SLC35F1: variants seen among roughly 807,000 people sequenced by gnomAD.
SLC35F1 encodes chromosome 6 open reading frame 169.
A neutral mutation model predicts 48.7 loss-of-function variants in SLC35F1; 14 were observed. The observed-to-expected ratio is 0.29, with a 90% CI of 0.19 to 0.45. SLC35F1 has a LOEUF of 0.45. SLC35F1 is among the 20% of genes least tolerant of loss of function. SLC35F1 has a pLI of 1.00. For synonymous variants in SLC35F1, 190 were observed against 202.2 expected (o/e 0.94, Z 0.51); for missense variants, 404 against 500.0 (o/e 0.81, Z 1.83).
chr6:118,090,142 C>CAT (rs1175721991), intron 1 of SLC35F1, among the ~76,000 whole-genome samples: 1 of 152,224 alleles, frequency 6.6e-6, no homozygotes, highest in Non-Finnish European at 1.5e-5. Flanking sequence ...CAACTGCTAG[C>CAT]ATATTTTAAC....
At chr6:118,231,776 G>C (rs1311443079) in intron 2 of SLC35F1, among the ~76,000 whole-genome samples, 2 of 152,166 alleles carry the variant, frequency 1.3e-5, no homozygotes, top group Admixed American at 1.3e-4. Context: ...CATTTTTTCA[G>C]TGCTATGTAT....
intron 1 of SLC35F1, among the ~76,000 whole-genome samples, chr6:118,038,733 TGCCTCA>T (rs1772169259): frequency 6.6e-6 from 1 of 152,092 alleles, no homozygotes. Context: ...GTGTGTCTTC[TGCCTCA>T]GCCTCCTGAG....
intron 1 of SLC35F1, among the ~76,000 whole-genome samples, chr6:117,935,155 C>T (rs1776148914): frequency 6.6e-6 from 1 of 152,134 alleles, no homozygotes; most frequent in African/African-American, 2.4e-5. Flanking sequence ...TCTGAAATAA[C>T]TTATGCACAA....
intron 1 of SLC35F1, among the ~76,000 whole-genome samples, chr6:118,147,211 G>T (rs1382053170): frequency 6.6e-6 from 1 of 152,164 alleles, no homozygotes; most frequent in African/African-American, 2.4e-5. Context: ...GTCTGCTAGA[G>T]TTTCCTACTG....
chr6:118,264,184 T>A (rs1365443898), intron 3 of SLC35F1, among the ~76,000 whole-genome samples: 2 of 152,248 alleles, frequency 1.3e-5, no homozygotes, highest in African/African-American at 2.4e-5. Context: ...CCAGCAATGC[T>A]AACTGCCCTG....
intron 1 of SLC35F1, among the ~76,000 whole-genome samples, chr6:118,053,194 T>G (rs1365461199): frequency 1.3e-5 from 2 of 152,072 alleles, no homozygotes; most frequent in Non-Finnish European, 2.9e-5. Context: ...AGAAATCCAG[T>G]TTATGAAAGT....
intron 1 of SLC35F1, among the ~76,000 whole-genome samples, chr6:118,138,254 G>A (rs1171300554): frequency 6.6e-6 from 1 of 150,952 alleles, no homozygotes; most frequent in African/African-American, 2.4e-5. Context: ...GCTGCAGTGA[G>A]CCATGATCAC....
intron 1 of SLC35F1, among the ~76,000 whole-genome samples, chr6:118,111,958 G>C (rs1372552758): frequency 1.3e-5 from 2 of 152,156 alleles, no homozygotes; most frequent in Non-Finnish European, 2.9e-5. Flanking sequence ...CTAGCCTCTA[G>C]ATGTTTATGG....
intron 1 of SLC35F1, among the ~76,000 whole-genome samples, chr6:117,989,388 G>T (rs1313036698): frequency 6.6e-6 from 1 of 152,220 alleles, no homozygotes; most frequent in East Asian, 1.9e-4. Context: ...CTTGTAGCCT[G>T]TCAGATAATT....
chr6:118,281,571 T>A (rs1346979853), intron 6 of SLC35F1, among the ~76,000 whole-genome samples: 1 of 152,166 alleles, frequency 6.6e-6, no homozygotes, highest in African/African-American at 2.4e-5. Flanking sequence ...TGTCCCTCTG[T>A]TTGGGGTCAG....
intron 1 of SLC35F1, among the ~76,000 whole-genome samples, chr6:118,143,637 G>GT (rs1206246306): frequency 1.4e-4 from 22 of 152,040 alleles, no homozygotes; most frequent in African/African-American, 4.8e-4. Context: ...ATTTTTTCTA[G>GT]TTTTTTTCTA....
At chr6:118,068,667 G>T (rs1349128180) in intron 1 of SLC35F1, among the ~76,000 whole-genome samples, 1 of 152,118 alleles carries the variant, frequency 6.6e-6, no homozygotes, top group African/African-American at 2.4e-5. Context: ...CCCTTAAGAT[G>T]ATTAGAGACA....
intron 1 of SLC35F1, among the ~76,000 whole-genome samples, chr6:118,029,793 T>C (rs951920058): frequency 1.9e-4 from 29 of 152,306 alleles, no homozygotes; most frequent in African/African-American, 7.0e-4. Flanking sequence ...GAATTTTTTT[T>C]TCCAATACTT....
At chr6:118,105,464 A>C (rs1406840360) in intron 1 of SLC35F1, among the ~76,000 whole-genome samples, 5 of 152,160 alleles carry the variant, frequency 3.3e-5, no homozygotes, top group African/African-American at 1.2e-4. Flanking sequence ...AGCACCTTAC[A>C]TTCTGTCTGA....
At chr6:118,010,660 A>G (rs1243853099) in intron 1 of SLC35F1, among the ~76,000 whole-genome samples, 1 of 152,190 alleles carries the variant, frequency 6.6e-6, no homozygotes, top group Non-Finnish European at 1.5e-5. Flanking sequence ...AATGTATGTT[A>G]TGCTTCAGTG....
At chr6:118,048,039 A>G (rs1772326046) in intron 1 of SLC35F1, among the ~76,000 whole-genome samples, 1 of 152,110 alleles carries the variant, frequency 6.6e-6, no homozygotes, top group Non-Finnish European at 1.5e-5. Context: ...AGCTCTCATT[A>G]TTTTGAGATA....
intron 1 of SLC35F1, among the ~76,000 whole-genome samples, chr6:118,074,431 G>A (rs1393202204): frequency 6.6e-6 from 1 of 152,076 alleles, no homozygotes; most frequent in East Asian, 1.9e-4. Flanking sequence ...TCAGTGTGAG[G>A]AGGTCACACA....
At chr6:118,249,455 G>A in intron 3 of SLC35F1, among the ~76,000 whole-genome samples, 1 of 152,222 alleles carries the variant, frequency 6.6e-6, no homozygotes, top group Admixed American at 6.5e-5. Context: ...TGGTTCCAAT[G>A]ACAGACGTGC....
intron 1 of SLC35F1, among the ~76,000 whole-genome samples, chr6:117,910,484 T>C (rs544153631): frequency 6.6e-6 from 1 of 152,362 alleles, no homozygotes; most frequent in East Asian, 1.9e-4. Flanking sequence ...TGTCCACTCA[T>C]TGTCTTCATT....
Sources: allele counts gnomAD v4.1 joint callset (sites outside exome capture counted in the v4.1 genomes callset), GRCh38; gene constraint gnomAD v4.1.1; transcripts MANE v1.5; gene names NCBI Gene and HGNC (gene_info 2026-07-23, HGNC 2026-07-21).